The following TSGA10 variants were observed in gnomAD, a reference collection of about 807,000 sequenced individuals.
The protein encoded by TSGA10 is testis specific 10.
Under a neutral mutation model 96.6 loss-of-function variants are expected in TSGA10, and 43 were observed. The ratio of observed to expected loss-of-function variants is 0.44; its 90% CI spans 0.35 to 0.57. The LOEUF is 0.57. Ranked by LOEUF, TSGA10 falls within the 20% of genes least tolerant of loss-of-function variation. The pLI, the probability that TSGA10 is intolerant of heterozygous loss-of-function variation, is 0.01. For missense variants in TSGA10, 703 were observed against 834.4 expected (o/e 0.84, Z 1.94); for synonymous variants, 229 against 269.9 (o/e 0.85, Z 1.48).
intron 16 of TSGA10, among the ~76,000 whole-genome samples, chr2:99,054,695 T>C (rs2083780963): frequency 6.6e-6 from 1 of 152,134 alleles, no homozygotes; most frequent in African/African-American, 2.4e-5. Context: ...AGAGCCTGAA[T>C]AGACATTTCT....
chr2:99,002,344 G>T (rs1210378692), intron 20 of TSGA10, among the ~76,000 whole-genome samples: 3 of 152,306 alleles, frequency 2.0e-5, no homozygotes, highest in African/African-American at 7.2e-5. Context: ...CATTCTTAAA[G>T]AAAAGAATTT....
chr2:99,136,001 C>A (rs1484017751), intron 1 of TSGA10, among the ~76,000 whole-genome samples: 1 of 86,410 alleles, frequency 1.2e-5, no homozygotes, highest in Non-Finnish European at 2.6e-5. Context: ...AAGAGCGAGA[C>A]TTCGTACCAA....
chr2:99,000,532 G>T (rs921285127), intron 20 of TSGA10, among the ~76,000 whole-genome samples: 32 of 151,556 alleles, frequency 2.1e-4, no homozygotes, highest in Admixed American at 2.0e-3. Context: ...AAAAAAAGGG[G>T]ATCGTTCCAA....
At chr2:99,037,325 A>C (rs1264191862) in intron 16 of TSGA10, among the ~76,000 whole-genome samples, 1 of 152,232 alleles carries the variant, frequency 6.6e-6, no homozygotes, top group Non-Finnish European at 1.5e-5. Flanking sequence ...TTGAACTAGA[A>C]ATACATTAAC....
chr2:99,054,592 T>C (rs2083771113), intron 16 of TSGA10, among the ~76,000 whole-genome samples: 1 of 152,036 alleles, frequency 6.6e-6, no homozygotes, highest in Non-Finnish European at 1.5e-5. Flanking sequence ...GGGAAAAAAT[T>C]TGTAAACCAT....
At chr2:99,109,038 G>A in intron 6 of TSGA10, 47 bp from the exon 7 acceptor site, 2 of 1,370,024 alleles carry the variant, frequency 1.5e-6, no homozygotes, top group Non-Finnish European at 2.0e-6. Context: ...ATATAGTACT[G>A]ATAGAAAGGT....
At chr2:99,130,024 T>A (rs1445258227) in intron 1 of TSGA10, among the ~76,000 whole-genome samples, 1 of 152,210 alleles carries the variant, frequency 6.6e-6, no homozygotes, top group African/African-American at 2.4e-5. Flanking sequence ...ATTTTCTTTA[T>A]CTAGTCTATC....
chr2:99,098,131 A>G (rs2090267737), intron 10 of TSGA10, among the ~76,000 whole-genome samples: 1 of 152,098 alleles, frequency 6.6e-6, no homozygotes, highest in African/African-American at 2.4e-5. Context: ...AAAGCTTTAC[A>G]TGTTTCTATT....
chr2:99,020,542 T>A (rs987169488), intron 17 of TSGA10, 60 bp from the exon 18 acceptor site: 2 of 1,275,976 alleles, frequency 1.6e-6, no homozygotes, highest in Middle Eastern at 2.0e-4. Flanking sequence ...ACTATTATAT[T>A]ATCAGGGACT....
intron 16 of TSGA10, among the ~76,000 whole-genome samples, chr2:99,039,277 A>T (rs1361756740): frequency 6.6e-6 from 1 of 151,756 alleles, no homozygotes; most frequent in African/African-American, 2.4e-5. Flanking sequence ...AGAAATAACA[A>T]AGATCAGAGC....
At position 99,102,683 on chromosome 2, in the gene TSGA10, T is replaced by C. The variant is rs1048575526; in HGVS notation, c.611+1284A>G. 2.5e-6 allele frequency: 4 copies of C among 1,613,458 alleles called. No individual in the cohort carries two copies. In the African/African-American group the frequency reaches 5.3e-5, roughly 22 times the overall value. The stretch of plus-strand genomic sequence containing the variant: ...ATGGTGTAAAGTTCAGAAATAAGGT[T>C]AGTCATATTGATGTGATCACAGCGG... On this transcript the variant is annotated intron_variant, in intron 10 of 20. Transcript: ENST00000393483.
intron 17 of TSGA10, among the ~76,000 whole-genome samples, chr2:99,021,220 A>G (rs2079977175): frequency 6.6e-6 from 1 of 152,034 alleles, no homozygotes; most frequent in East Asian, 1.9e-4. Context: ...AGAAATAAAA[A>G]TGAAATTACA....
chr2:99,059,078 T>TATATATATATTTATATA (rs2084351134), intron 16 of TSGA10, among the ~76,000 whole-genome samples: 1 of 140,594 alleles, frequency 7.1e-6, no homozygotes, highest in Non-Finnish European at 1.5e-5. Flanking sequence ...ATTTATATAT[T>TATATATATATTTATATA]TTTATATATA....
At chr2:99,100,873 G>T (rs1325991747) in intron 10 of TSGA10, among the ~76,000 whole-genome samples, 1 of 123,634 alleles carries the variant, frequency 8.1e-6, no homozygotes, top group Non-Finnish European at 1.7e-5. Context: ...TAAATATGAA[G>T]ATAATATAGG....
At position 99,020,365 on chromosome 2, in the gene TSGA10, C is replaced by G. The variant is rs770177431; in HGVS notation, c.1732G>C (p.Glu578Gln). The change falls in exon 18 of 21, where the codon GAA becomes CAA. Residue 578 changes from glutamate (E) to glutamine (Q), a missense_variant. Around this residue, in one of 3 missense-constraint regions of TSGA10, gnomAD observed 49 missense variants for 96.4 expected, o/e 0.51. Coordinates refer to ENST00000393483, the MANE Select transcript of TSGA10 (RefSeq NM_025244.4). The part of the protein sequence containing the change: ...EALLVANRDK[E>Q]YQSQIALQEK... ...TGAAGTGCTATCTGAGACTGATATT[C>G]TTTGTCTCGATTGGCCACCAGCAAA... is the stretch of plus-strand genomic sequence containing the variant. The G allele has an allele frequency of 6.2e-7, 1 of 1,613,748 alleles. No individual in the cohort carries two copies. The highest frequency in any genetic ancestry group is 1.7e-5 in the Admixed American group (1 of 59,998).
intron 16 of TSGA10, among the ~76,000 whole-genome samples, chr2:99,046,723 A>T (rs1485807968): frequency 6.6e-6 from 1 of 152,234 alleles, no homozygotes; most frequent in African/African-American, 2.4e-5. Context: ...AACTAAGAAC[A>T]GAGAAGAACT....
chr2:99,126,967 T>C, intron 2 of TSGA10, 81 bp downstream of exon 2: 3 of 1,184,220 alleles, frequency 2.5e-6, no homozygotes, highest in Non-Finnish European at 3.3e-6. Flanking sequence ...AATTAGTAGT[T>C]ATTTATTCTC....
chr2:99,114,958 AAG>A (rs1378409016), intron 4 of TSGA10, among the ~76,000 whole-genome samples: 2 of 151,630 alleles, frequency 1.3e-5, no homozygotes, highest in Admixed American at 6.6e-5. Context: ...TTTTGAGATA[AAG>A]AGTCTCACTC....
At chr2:99,027,184 G>C (rs2080686103) in intron 17 of TSGA10, among the ~76,000 whole-genome samples, 1 of 152,232 alleles carries the variant, frequency 6.6e-6, no homozygotes, top group African/African-American at 2.4e-5. Flanking sequence ...GTACAGGTCT[G>C]CGGCCCAAGG....
Sources: allele counts gnomAD v4.1 joint callset (sites outside exome capture counted in the v4.1 genomes callset), GRCh38; gene constraint gnomAD v4.1.1; regional missense constraint gnomAD v4.1.1; transcripts MANE v1.5; gene names NCBI Gene and HGNC (gene_info 2026-07-23, HGNC 2026-07-21).